Variants in NEGR1 observed in about 807,000 individuals in gnomAD.
The protein encoded by NEGR1 is neuronal growth regulator 1, also known as IgLON family member 4.
In NEGR1, 10 loss-of-function variants were observed where a neutral mutation model predicts 40.9. That is an observed-to-expected ratio of 0.24 (90% confidence interval 0.15 to 0.42). NEGR1 has a LOEUF of 0.42. Among genes scored for constraint, NEGR1 ranks in the 10% least tolerant of loss-of-function variants. NEGR1 has a pLI of 1.00. For missense variants in NEGR1, 352 were observed against 438.9 expected (o/e 0.80, Z 1.77); for synonymous variants, 185 against 166.8 (o/e 1.11, Z -0.84).
In NEGR1 at chr1:71,402,569, T is replaced by C. The variant is rs1646253450; in HGVS notation, c.*4877A>G. 6.6e-6 allele frequency: 1 copy of C among 152,194 alleles called. No individual in the cohort carries two copies. Among genetic ancestry groups the C allele is most frequent in the African/African-American group, 2.4e-5 (1 of 41,466 alleles). The allele number at this position is 152,194 out of a possible 1,614,324, so 9.4% of individuals were successfully genotyped here. A position where few individuals can be genotyped will look rare whatever the true frequency, so the allele number is the denominator to read the frequency against. On this transcript the variant is annotated 3_prime_UTR_variant, in exon 7 of 7. Transcript: ENST00000357731. ...AGTGATATCAATTCTGAAATACTTT[T>C]GAGTAAGTTTGGAATTACTAGAAAA...
intron 2 of NEGR1, among the ~76,000 whole-genome samples, chr1:71,898,458 A>T (rs537091696): frequency 1.3e-5 from 2 of 152,052 alleles, no homozygotes; most frequent in African/African-American, 4.8e-5. Flanking sequence ...TACTAAAAAT[A>T]AGAAAAATTA....
chr1:72,275,321 C>T (rs1219681561), intron 1 of NEGR1, among the ~76,000 whole-genome samples: 1 of 151,836 alleles, frequency 6.6e-6, no homozygotes, highest in Non-Finnish European at 1.5e-5. Flanking sequence ...ATGATTATGA[C>T]TGTAGAAAAA....
intron 3 of NEGR1, among the ~76,000 whole-genome samples, chr1:71,761,556 G>C (rs901076991): frequency 6.6e-6 from 1 of 152,062 alleles, no homozygotes; most frequent in African/African-American, 2.4e-5. Context: ...CAATACTTGT[G>C]AAAAACATAG....
chr1:72,194,392 G>C (rs916099599), intron 1 of NEGR1, among the ~76,000 whole-genome samples: 1 of 151,904 alleles, frequency 6.6e-6, no homozygotes, highest in African/African-American at 2.4e-5. Flanking sequence ...CAAACTTTGA[G>C]TCTCAAAAGT....
At chr1:71,937,250 C>A (rs1645914503) in intron 1 of NEGR1, among the ~76,000 whole-genome samples, 1 of 152,060 alleles carries the variant, frequency 6.6e-6, no homozygotes, top group African/African-American at 2.4e-5. Context: ...AAAATAAAAC[C>A]CCTTTAATGA....
intron 2 of NEGR1, among the ~76,000 whole-genome samples, chr1:71,881,216 T>G (rs533414584): frequency 6.6e-6 from 1 of 152,082 alleles, no homozygotes; most frequent in South Asian, 2.1e-4. Flanking sequence ...ATGACTGACT[T>G]TTTTCTGAGA....
chr1:71,841,414 TC>T (rs1659232979), intron 2 of NEGR1, among the ~76,000 whole-genome samples: 1 of 152,162 alleles, frequency 6.6e-6, no homozygotes, highest in African/African-American at 2.4e-5. Flanking sequence ...TCATTGCACA[TC>T]ATGTTGTCAA....
At chr1:71,704,801 G>A (rs549840081) in intron 3 of NEGR1, among the ~76,000 whole-genome samples, 56 of 151,442 alleles carry the variant, frequency 3.7e-4, no homozygotes, top group African/African-American at 1.4e-3. Flanking sequence ...CTAATATCAG[G>A]ACAAAAAATA....
chr1:72,276,366 G>T (rs1656047807), intron 1 of NEGR1, among the ~76,000 whole-genome samples: 1 of 151,822 alleles, frequency 6.6e-6, no homozygotes, highest in African/African-American at 2.4e-5. Flanking sequence ...AATTCAATAG[G>T]CAACACTGTA....
intron 1 of NEGR1, among the ~76,000 whole-genome samples, chr1:71,995,346 A>G (rs1346229902): frequency 6.6e-6 from 1 of 152,136 alleles, no homozygotes; most frequent in African/African-American, 2.4e-5. Context: ...AGGAGGTATG[A>G]AAAAACGGTT....
intron 2 of NEGR1, among the ~76,000 whole-genome samples, chr1:71,841,514 C>A (rs1040174181): frequency 3.3e-5 from 5 of 152,030 alleles, no homozygotes; most frequent in African/African-American, 1.2e-4. Flanking sequence ...CGCATCCTGC[C>A]TTTTCAGTTA....
chr1:71,725,595 A>C (rs1283146770), intron 3 of NEGR1, among the ~76,000 whole-genome samples: 1 of 152,140 alleles, frequency 6.6e-6, no homozygotes, highest in Non-Finnish European at 1.5e-5. Flanking sequence ...CAAATTAAAA[A>C]AAATACTCTT....
chr1:72,223,336 C>T (rs1399453045), intron 1 of NEGR1, among the ~76,000 whole-genome samples: 1 of 152,102 alleles, frequency 6.6e-6, no homozygotes, highest in South Asian at 2.1e-4. Context: ...GCAAACTGAG[C>T]CCCCAAAATT....
chr1:71,779,333 C>T (rs887983945), intron 2 of NEGR1, among the ~76,000 whole-genome samples: 7 of 152,030 alleles, frequency 4.6e-5, no homozygotes, highest in African/African-American at 1.7e-4. Context: ...TGTTACTTGC[C>T]CTCAAGAAAT....
chr1:71,937,669 G>A (rs1250661299), intron 1 of NEGR1, among the ~76,000 whole-genome samples: 5 of 152,142 alleles, frequency 3.3e-5, no homozygotes, highest in African/African-American at 1.2e-4. Context: ...GCAGATCAAA[G>A]ACTTTTAAAA....
intron 1 of NEGR1, among the ~76,000 whole-genome samples, chr1:72,142,525 T>TGATAGATAGATAGATAGATA (rs57515875): frequency 5.5e-5 from 8 of 146,600 alleles, no homozygotes; most frequent in Admixed American, 2.1e-4. Context: ...CCTAGATAGA[T>TGATAGATAGATAGATAGATA]GATAGATAGA....
intron 1 of NEGR1, among the ~76,000 whole-genome samples, chr1:71,987,819 T>G (rs765040800): frequency 5.3e-5 from 8 of 152,218 alleles, no homozygotes; most frequent in Non-Finnish European, 1.2e-4. Flanking sequence ...AGCCATTTAT[T>G]TTCTGAGTCT....
At chr1:71,807,254 C>A (rs1041188270) in intron 2 of NEGR1, among the ~76,000 whole-genome samples, 2 of 152,018 alleles carry the variant, frequency 1.3e-5, no homozygotes, top group Non-Finnish European at 2.9e-5. Flanking sequence ...AATTAGAAAG[C>A]ATTTCATATT....
intron 2 of NEGR1, among the ~76,000 whole-genome samples, chr1:71,858,704 C>T (rs1037261234): frequency 1.3e-5 from 2 of 152,008 alleles, no homozygotes; most frequent in Non-Finnish European, 2.9e-5. Flanking sequence ...ATGGCTCTCC[C>T]AGCAGATGGT....
Sources: gnomAD v4.1 joint callset for allele counts (sites outside exome capture counted in the v4.1 genomes callset) on GRCh38, gnomAD v4.1.1 for gene constraint, MANE v1.5 for transcripts, NCBI Gene and HGNC (gene_info 2026-07-23, HGNC 2026-07-21) for gene names.